Variants in DOCK5 observed in about 807,000 individuals in gnomAD.
DOCK5 encodes dedicator of cytokinesis protein 5.
DOCK5 carries 142 observed loss-of-function variants against 251.8 expected under a neutral mutation model. The observed-to-expected ratio is 0.56, with a 90% CI of 0.49 to 0.65. DOCK5 has a LOEUF of 0.65. Among genes scored for constraint, DOCK5 ranks in the 30% least tolerant of loss-of-function variants. The probability of loss-of-function intolerance (pLI) is 0.00; values close to 1 mark genes in which losing one functional copy is unlikely to be tolerated. For synonymous variants in DOCK5, 842 were observed against 835.5 expected (o/e 1.01, Z -0.13); for missense variants, 2,111 against 2,312.3 (o/e 0.91, Z 1.79).
chr8:25,276,234 C>G (rs976841256), intron 4 of DOCK5, among the ~76,000 whole-genome samples: 1 of 152,156 alleles, frequency 6.6e-6, no homozygotes, highest in African/African-American at 2.4e-5. Context: ...GGGTTTTTCA[C>G]AGCATATTAG....
intron 13 of DOCK5, among the ~76,000 whole-genome samples, chr8:25,314,108 C>CTTTTTT (rs71214561): frequency 8.7e-6 from 1 of 115,254 alleles, no homozygotes; most frequent in African/African-American, 3.4e-5. Flanking sequence ...GGACTCCCCT[C>CTTTTTT]TTTTTTTTTT....
chr8:25,324,011 C>A, intron 17 of DOCK5, 60 bp downstream of exon 17: 1 of 1,457,104 alleles, frequency 6.9e-7, no homozygotes. Context: ...ATTTAAGACT[C>A]CTTTCATATT....
rs369751820 is a variant in DOCK5, at chr8:25,277,898, A to G, written c.225-671A>G. On this transcript the variant is annotated intron_variant, in intron 4 of 51. Transcript: ENST00000276440. ...CCTGGCAGTCCTACCACCAGTTCCA[A>G]TTTGTTTGCTTGCTCTTGCTTTCTC... Among the ~76,000 whole-genome samples the G allele has an allele frequency of 3.2e-3, 492 of 152,190 alleles. 4 individuals are homozygous for G. The highest frequency in any genetic ancestry group is 0.011 in the African/African-American group (456 of 41,522).
chr8:25,202,635 C>A (rs1338181430), intron 1 of DOCK5, among the ~76,000 whole-genome samples: 1 of 152,150 alleles, frequency 6.6e-6, no homozygotes, highest in Non-Finnish European at 1.5e-5. Flanking sequence ...CCGCCTTATC[C>A]TCAAGGCATG....
intron 26 of DOCK5, among the ~76,000 whole-genome samples, chr8:25,347,884 CCTT>C (rs1354353010): frequency 2.0e-5 from 3 of 152,292 alleles, no homozygotes; most frequent in South Asian, 4.2e-4. Flanking sequence ...TCTCTACCAA[CCTT>C]CTCACCACCC....
At chr8:25,352,635 AT>A in intron 27 of DOCK5, among the ~76,000 whole-genome samples, 1 of 152,364 alleles carries the variant, frequency 6.6e-6, no homozygotes, top group South Asian at 2.1e-4. Flanking sequence ...TTCCTATCAG[AT>A]AAGAAAAATT....
At chr8:25,196,892 C>T (rs4637841) in intron 1 of DOCK5, among the ~76,000 whole-genome samples, 151,698 of 152,336 alleles carry the variant, frequency 1, 75,533 homozygotes, top group East Asian at 1. Flanking sequence ...AAGGAACACA[C>T]AGTTTGTTCT....
chr8:25,229,480 C>CA (rs35755771), intron 1 of DOCK5, among the ~76,000 whole-genome samples: 51,451 of 146,434 alleles, frequency 0.35, 10,626 homozygotes, highest in Middle Eastern at 0.52. Context: ...GACTCTGTAT[C>CA]AAAAAAAAAA....
chr8:25,240,289 A>C (rs1320809224), intron 1 of DOCK5, among the ~76,000 whole-genome samples: 4 of 152,128 alleles, frequency 2.6e-5, no homozygotes, highest in African/African-American at 2.4e-5. Context: ...AAAAAAAAAA[A>C]AAACCAGCTT....
Position 25,345,503 on chromosome 8 carries a change from G to A in DOCK5, c.2646G>A (p.Leu882=). ...GCAGAGAAGTGCTGCTGCCACTGCT[G>A]ACAGACCAGCTCAGCGGCCAGTTAG... ...SECREVLLPL[L]TDQLSGQLDD... Residue 882 remains leucine, a synonymous_variant, in exon 26 of 52, where the codon CTG becomes CTA. Coordinates refer to ENST00000276440, the MANE Select transcript of DOCK5 (RefSeq NM_024940.8). The A allele has an allele frequency of 6.2e-7, 1 of 1,613,870 alleles. No homozygotes were observed.
intron 22 of DOCK5, among the ~76,000 whole-genome samples, chr8:25,339,351 A>C (rs1805893667): frequency 1.3e-5 from 2 of 152,152 alleles, no homozygotes; most frequent in Admixed American, 1.3e-4. Context: ...AAAAAAAATC[A>C]AGTCACATAC....
chr8:25,185,026 C>T, intron 1 of DOCK5, 75 bp downstream of exon 1: 1 of 1,268,354 alleles, frequency 7.9e-7, no homozygotes, highest in Non-Finnish European at 1.0e-6. Flanking sequence ...GCCAGGTTTG[C>T]GCAGAGCCCG....
At chr8:25,208,376 G>C (rs1313123305) in intron 1 of DOCK5, among the ~76,000 whole-genome samples, 1 of 152,160 alleles carries the variant, frequency 6.6e-6, no homozygotes, top group South Asian at 2.1e-4. Flanking sequence ...CTATCAAATA[G>C]CATCACATGC....
chr8:25,409,069 T>C, intron 50 of DOCK5, 129 bp downstream of exon 50: 1 of 1,357,692 alleles, frequency 7.4e-7, no homozygotes, highest in Non-Finnish European at 1.0e-6. Context: ...AATTTCGTGT[T>C]CGTGTATTAT....
intron 2 of DOCK5, among the ~76,000 whole-genome samples, chr8:25,261,134 C>G (rs1442772858): frequency 6.6e-6 from 1 of 152,116 alleles, no homozygotes; most frequent in Non-Finnish European, 1.5e-5. Context: ...TTGGCCTTTC[C>G]CAGGTTAGCC....
chr8:25,385,697 A>G (rs34068702), intron 40 of DOCK5, among the ~76,000 whole-genome samples: 35,890 of 152,028 alleles, frequency 0.24, 5,108 homozygotes, highest in East Asian at 0.56. Flanking sequence ...GCTTGGAGAG[A>G]TCAAAAAATG....
chr8:25,307,904 A>T (rs1804990273), intron 11 of DOCK5, among the ~76,000 whole-genome samples: 1 of 152,216 alleles, frequency 6.6e-6, no homozygotes. Context: ...GTTTTCCAGT[A>T]GGAGAGTGTT....
At chr8:25,252,338 A>AT (rs1230113571) in intron 2 of DOCK5, among the ~76,000 whole-genome samples, 1 of 152,246 alleles carries the variant, frequency 6.6e-6, no homozygotes, top group African/African-American at 2.4e-5. Context: ...ATAAGCTTCA[A>AT]TAGGGGTGTC....
intron 22 of DOCK5, among the ~76,000 whole-genome samples, 195 bp downstream of exon 22, chr8:25,336,568 A>T (rs1456883712): frequency 1.3e-5 from 2 of 152,224 alleles, no homozygotes; most frequent in Non-Finnish European, 2.9e-5. Flanking sequence ...TTTGTAGATC[A>T]GCAAAATTCT....
Sources: allele counts gnomAD v4.1 joint callset (sites outside exome capture counted in the v4.1 genomes callset), GRCh38; gene constraint gnomAD v4.1.1; transcripts MANE v1.5; gene names NCBI Gene and HGNC (gene_info 2026-07-23, HGNC 2026-07-21).